Variants in UBA3 observed in about 807,000 individuals in gnomAD.
The protein encoded by UBA3 is ubiquitin like modifier activating enzyme 3, also known as NEDD8-activating enzyme E1 catalytic subunit.
In UBA3, 26 loss-of-function variants were observed where a neutral mutation model predicts 73.5. The observed-to-expected ratio is 0.35, with a 90% CI of 0.26 to 0.49. The LOEUF is 0.49. Among genes scored for constraint, UBA3 ranks in the 20% least tolerant of loss-of-function variants. The pLI is 0.98. For synonymous variants in UBA3, 217 were observed against 191.2 expected (o/e 1.13, Z -1.11); for missense variants, 495 against 555.6 (o/e 0.89, Z 1.10).
intron 9 of UBA3, among the ~76,000 whole-genome samples, chr3:69,062,629 T>C (rs2092030873): frequency 6.6e-6 from 1 of 152,212 alleles, no homozygotes; most frequent in African/African-American, 2.4e-5. Context: ...GCCCCATCCT[T>C]GGAAAGATCA....
Position 69,080,327 on chromosome 3 carries a change from T to G in UBA3, c.20+7A>C. 1 of 1,603,210 alleles carries G rather than the reference T, an allele frequency of 6.2e-7. No homozygotes were observed. Among genetic ancestry groups the G allele is most frequent in the Non-Finnish European group, 8.5e-7 (1 of 1,176,884 alleles). On this transcript the variant is annotated splice_region_variant and intron_variant, in intron 1 of 17. Coordinates refer to ENST00000361055, the MANE Select transcript of UBA3 (RefSeq NM_003968.4). ...GCCCGGCGCGTCTGCAGAGCCCCGG[T>G]ACTTACGGCTCCTCGCCATCCGCCA... is the stretch of plus-strand genomic sequence containing the variant.
intron 5 of UBA3, among the ~76,000 whole-genome samples, chr3:69,070,199 A>T (rs2092110166): frequency 6.6e-6 from 1 of 152,242 alleles, no homozygotes; most frequent in Non-Finnish European, 1.5e-5. Context: ...TCAAAATTTG[A>T]CAAGCTGGAC....
Position 69,056,729 on chromosome 3 carries a change from A to G in UBA3, c.1002-36T>C, listed in dbSNP as rs776249110. ...AAAATGTTCATCTTTATATAATTAA[A>G]CCAAGTCAAAACATAAATTTACATG... On this transcript the variant is annotated intron_variant, in intron 13 of 17. Transcript: ENST00000361055. 15 of 1,608,954 alleles carry G rather than the reference A, an allele frequency of 9.3e-6. No homozygotes were observed. The East Asian group carries it at 3.1e-4, about 34-fold the overall frequency.
At chr3:69,062,223 AT>A (rs775702188) in intron 9 of UBA3, 44 bp from the exon 10 acceptor site, 2 of 1,291,882 alleles carry the variant, frequency 1.5e-6, no homozygotes, top group Non-Finnish European at 2.2e-6. Flanking sequence ...TAAACGAATT[AT>A]TTTAAAATGC....
chr3:69,056,392 A>G, intron 14 of UBA3, 109 bp from the exon 15 acceptor site: 1 of 1,039,582 alleles, frequency 9.6e-7, no homozygotes, highest in Non-Finnish European at 1.4e-6. Flanking sequence ...CATATTTCCT[A>G]TAAAAAAATT....
At chr3:69,077,083 G>A (rs183433312) in intron 3 of UBA3, among the ~76,000 whole-genome samples, 21 of 149,318 alleles carry the variant, frequency 1.4e-4, no homozygotes, top group African/African-American at 4.6e-4. Context: ...AAGAAAGACA[G>A]AATTAATACT....
chr3:69,072,732 AAC>A (rs1403355462), intron 4 of UBA3, among the ~76,000 whole-genome samples: 1 of 152,240 alleles, frequency 6.6e-6, no homozygotes, highest in Non-Finnish European at 1.5e-5. Flanking sequence ...TCTCAGACTT[AAC>A]AGTTTCCAAA....
At position 69,055,879 on chromosome 3, in the gene UBA3, T is replaced by C. The variant is rs970404271; in HGVS notation, c.1275A>G (p.Thr425=). 6 of 1,612,734 alleles carry C rather than the reference T, an allele frequency of 3.7e-6. No individual in the cohort carries two copies. The change falls in exon 17 of 18, where the codon ACA becomes ACG. Residue 425 remains threonine, a synonymous_variant. Coordinates refer to ENST00000361055, the MANE Select transcript of UBA3 (RefSeq NM_003968.4). ...TCAATGTTTTGGAGAGATTTGGCCT[T>C]GTTCGTTCTTCAATAGAGGTTACCG... ...LQSVTSIEER[T]RPNLSKTLKE... is the part of the protein sequence containing the mutation.
chr3:69,057,969 A>G (rs1446325364), intron 11 of UBA3, among the ~76,000 whole-genome samples: 1 of 115,534 alleles, frequency 8.7e-6, no homozygotes, highest in Non-Finnish European at 1.6e-5. Context: ...TCTGTCGCCC[A>G]GGCTGGAGTG....
intron 11 of UBA3, among the ~76,000 whole-genome samples, chr3:69,058,832 G>T (rs947647225): frequency 1.3e-5 from 2 of 152,152 alleles, no homozygotes; most frequent in Non-Finnish European, 2.9e-5. Flanking sequence ...AGAACCACTG[G>T]CTTGTGCAAC....
At position 69,062,981 on chromosome 3, in the gene UBA3, C is replaced by A; in HGVS notation, c.693+1G>T. ...AGAAATGCAGGTGCTTTTTTGATTACCTGTGGTGGATAAAGTTCCAGCGTG... is the reference window on the plus strand; with the variant it reads ...AGAAATGCAGGTGCTTTTTTGATTAACTGTGGTGGATAAAGTTCCAGCGTG... On this transcript the variant is annotated splice_donor_variant, in intron 9 of 17. Transcript: ENST00000361055. LOFTEE classifies it high-confidence loss of function. The A allele has an allele frequency of 6.2e-7, 1 of 1,613,296 alleles. No homozygotes were observed. The highest frequency in any genetic ancestry group is 8.5e-7 in the Non-Finnish European group (1 of 1,179,688).
chr3:69,070,755 C>T (rs1209788013), intron 5 of UBA3, among the ~76,000 whole-genome samples: 2 of 152,080 alleles, frequency 1.3e-5, no homozygotes, highest in African/African-American at 2.4e-5. Flanking sequence ...TGAGCTCAAA[C>T]GATCCTCCTA....
intron 11 of UBA3, among the ~76,000 whole-genome samples, chr3:69,059,703 T>C (rs1259399659): frequency 6.6e-6 from 1 of 152,152 alleles, no homozygotes; most frequent in Non-Finnish European, 1.5e-5. Context: ...AAAATGACAT[T>C]ACTAGATCAG....
intron 9 of UBA3, among the ~76,000 whole-genome samples, chr3:69,062,397 G>C (rs2092029326): frequency 6.6e-6 from 1 of 152,090 alleles, no homozygotes; most frequent in Non-Finnish European, 1.5e-5. Flanking sequence ...ACATTTACAA[G>C]GTATAAAATT....
intron 8 of UBA3, 82 bp from the exon 9 acceptor site, chr3:69,063,219 A>G (rs1290537371): frequency 1.3e-4 from 209 of 1,550,918 alleles, no homozygotes; most frequent in South Asian, 4.5e-4. Flanking sequence ...TAATCCTATG[A>G]GTCGGTTGTG....
chr3:69,080,299 C>T (rs751685447), intron 1 of UBA3, 35 bp downstream of exon 1: 4 of 1,603,366 alleles, frequency 2.5e-6, no homozygotes, highest in Non-Finnish European at 2.5e-6. Context: ...ACAACCCAGC[C>T]CAGCCCGGCG....
intron 6 of UBA3, among the ~76,000 whole-genome samples, chr3:69,066,676 C>T (rs1441747548): frequency 6.6e-6 from 1 of 152,162 alleles, no homozygotes; most frequent in Non-Finnish European, 1.5e-5. Context: ...AAGTGATCCA[C>T]CCACCTCGGC....
intron 11 of UBA3, among the ~76,000 whole-genome samples, chr3:69,058,802 G>A (rs1398774177): frequency 1.3e-5 from 2 of 152,126 alleles, no homozygotes; most frequent in Non-Finnish European, 2.9e-5. Context: ...GAGAACAAGG[G>A]GAAAAATCAT....
At chr3:69,055,623 A>C in intron 17 of UBA3, 98 bp from the exon 18 acceptor site, 1 of 990,652 alleles carries the variant, frequency 1.0e-6, no homozygotes, top group Non-Finnish European at 1.5e-6. Context: ...GTCTAGAAAA[A>C]CATCAAAATC....
Sources: allele counts gnomAD v4.1 joint callset (sites outside exome capture counted in the v4.1 genomes callset), GRCh38; gene constraint gnomAD v4.1.1; transcripts MANE v1.5; gene names NCBI Gene and HGNC (gene_info 2026-07-23, HGNC 2026-07-21).